LGR5: variants seen among roughly 807,000 people sequenced by gnomAD.
LGR5 encodes the protein leucine rich repeat containing G protein-coupled receptor 5.
LGR5 carries 54 observed loss-of-function variants against 76.7 expected under a neutral mutation model. The observed-to-expected ratio is 0.70, with a 90% CI of 0.57 to 0.88. The LOEUF (loss-of-function observed/expected upper bound fraction) is 0.88, where lower values mean the gene tolerates loss of function less well. Ranked by LOEUF, LGR5 falls within the 40% of genes least tolerant of loss-of-function variation. The pLI is 0.00. For synonymous variants in LGR5, 406 were observed against 421.9 expected (o/e 0.96, Z 0.46); for missense variants, 1,078 against 1,073.3 (o/e 1.00, Z -0.06).
intron 4 of LGR5, among the ~76,000 whole-genome samples, chr12:71,544,278 C>CT (rs902924663): frequency 4.4e-5 from 4 of 91,404 alleles, no homozygotes; most frequent in Non-Finnish European, 9.6e-5. Flanking sequence ...TTTTCTTTGT[C>CT]TTTTTTTTTT....
intron 3 of LGR5, among the ~76,000 whole-genome samples, chr12:71,529,426 A>T (rs1307147612): frequency 6.6e-6 from 1 of 152,208 alleles, no homozygotes; most frequent in Non-Finnish European, 1.5e-5. Context: ...TCATGAGAAC[A>T]GCATGGCAGA....
intron 14 of LGR5, among the ~76,000 whole-genome samples, 162 bp downstream of exon 14, chr12:71,578,158 C>T (rs1483433693): frequency 6.6e-6 from 1 of 152,184 alleles, no homozygotes; most frequent in Non-Finnish European, 1.5e-5. Context: ...GAGTTCTGCT[C>T]CTCCAGGGCC....
At chr12:71,500,365 T>C (rs1318223149) in intron 1 of LGR5, among the ~76,000 whole-genome samples, 1 of 151,930 alleles carries the variant, frequency 6.6e-6, no homozygotes, top group African/African-American at 2.4e-5. Context: ...AACATTCGAG[T>C]CACCTGAAAA....
chr12:71,516,502 C>T (rs1875447969), intron 2 of LGR5, among the ~76,000 whole-genome samples: 1 of 152,160 alleles, frequency 6.6e-6, no homozygotes, highest in African/African-American at 2.4e-5. Flanking sequence ...CAAATGCCCG[C>T]TTCCATCCTC....
At chr12:71,547,671 A>T (rs535431867) in intron 4 of LGR5, among the ~76,000 whole-genome samples, 7 of 152,338 alleles carry the variant, frequency 4.6e-5, no homozygotes, top group Admixed American at 2.6e-4. Flanking sequence ...TTGGAATTAA[A>T]TGACAGTATC....
intron 10 of LGR5, 64 bp downstream of exon 10, chr12:71,566,764 C>T (rs1878367426): frequency 4.5e-6 from 7 of 1,569,206 alleles, no homozygotes; most frequent in Non-Finnish European, 6.1e-6. Context: ...CTTGATCAGT[C>T]TTAACATCAG....
At chr12:71,559,163 G>A (rs936514576) in intron 6 of LGR5, among the ~76,000 whole-genome samples, 1 of 152,180 alleles carries the variant, frequency 6.6e-6, no homozygotes, top group African/African-American at 2.4e-5. Flanking sequence ...AGGGAGTGAA[G>A]GAGGGAACAA....
At chr12:71,501,180 G>A (rs17227134) in intron 1 of LGR5, among the ~76,000 whole-genome samples, 13,844 of 152,196 alleles carry the variant, frequency 0.091, 665 homozygotes, top group Non-Finnish European at 0.11. Flanking sequence ...CTAAGGTTAT[G>A]TGTGTACCAG....
intron 3 of LGR5, among the ~76,000 whole-genome samples, chr12:71,528,102 A>C (rs1876109133): frequency 6.6e-6 from 1 of 152,220 alleles, no homozygotes; most frequent in Admixed American, 6.5e-5. Context: ...TAAGTAACTT[A>C]GTTTATACAT....
intron 2 of LGR5, among the ~76,000 whole-genome samples, chr12:71,507,478 G>A (rs575070062): frequency 2.0e-5 from 3 of 152,266 alleles, no homozygotes; most frequent in African/African-American, 7.2e-5. Context: ...ATGAAGAGCT[G>A]TCTTCCCAGG....
intron 13 of LGR5, among the ~76,000 whole-genome samples, chr12:71,575,962 A>G (rs1164701418): frequency 6.6e-6 from 1 of 152,224 alleles, no homozygotes; most frequent in Non-Finnish European, 1.5e-5. Flanking sequence ...GCTGGAAGCC[A>G]TTATTCTCAG....
chr12:71,565,588 C>A (rs1878304345), intron 8 of LGR5, among the ~76,000 whole-genome samples: 1 of 150,158 alleles, frequency 6.7e-6, no homozygotes. Context: ...ACCACAGGAA[C>A]ATCTTATCAT....
At chr12:71,460,535 A>G (rs1010263820) in intron 1 of LGR5, among the ~76,000 whole-genome samples, 2 of 152,066 alleles carry the variant, frequency 1.3e-5, no homozygotes, top group African/African-American at 4.8e-5. Flanking sequence ...ACTATCTGTT[A>G]TATCTTCTGC....
intron 1 of LGR5, among the ~76,000 whole-genome samples, chr12:71,488,781 C>G (rs1473238789): frequency 6.6e-6 from 1 of 152,088 alleles, no homozygotes; most frequent in East Asian, 1.9e-4. Context: ...ATCCAATAAA[C>G]TTTATTAATT....
rs1592444518 is a variant in LGR5 at position 71,440,396 on chromosome 12, A to G, written c.212+104A>G. 1 of 1,116,414 alleles carries G rather than the reference A, an allele frequency of 9.0e-7. No individual in the cohort carries two copies. The highest frequency in any genetic ancestry group is 1.3e-6 in the Non-Finnish European group (1 of 761,414). The allele number at this position is 1,116,414 out of a possible 1,614,324, so 69.2% of individuals were successfully genotyped here. Reference sequence around the variant, plus strand: ...CTCGGCGCCCGCCTGCTCGTGGGGGAGGGGGGCGAGTTTGTCAAGGGCATC... The same window carrying G: ...CTCGGCGCCCGCCTGCTCGTGGGGGGGGGGGGCGAGTTTGTCAAGGGCATC... On this transcript the variant is annotated intron_variant, in intron 1 of 17. Transcript: ENST00000266674. The surrounding 1 kb of genome is among the most constrained non-coding windows in gnomAD (Gnocchi z 5.3).
At chr12:71,571,689 C>A in intron 12 of LGR5, 110 bp downstream of exon 12, 1 of 728,238 alleles carries the variant, frequency 1.4e-6, no homozygotes, top group East Asian at 2.6e-5. Context: ...ACATGTGATC[C>A]TTTTCCTTCT....
chr12:71,536,848 T>G (rs1227431515), intron 4 of LGR5, among the ~76,000 whole-genome samples: 6 of 152,246 alleles, frequency 3.9e-5, no homozygotes, highest in Non-Finnish European at 7.3e-5. Context: ...AGTCTAGATA[T>G]TCACTGTTCA....
In LGR5 at chr12:71,586,144, T is replaced by C. The variant is rs1879308202; in HGVS notation, c.*1410T>C. On this transcript the variant is annotated 3_prime_UTR_variant, in exon 18 of 18. Transcript: ENST00000266674. Reference sequence around the variant, plus strand: ...GGACCATGATAATGATAATAAACCTTGTACAGTGGCATATTCTTTGATTTA... The same window carrying C: ...GGACCATGATAATGATAATAAACCTCGTACAGTGGCATATTCTTTGATTTA... 6.6e-6 allele frequency: 1 copy of C among 152,172 alleles called. No homozygotes were observed. The highest frequency in any genetic ancestry group is 1.5e-5 in the Non-Finnish European group (1 of 68,022). 9.4% of individuals were successfully genotyped at this position (152,172 alleles called of 1,614,324 possible).
chr12:71,573,089 C>A (rs1878688990), intron 13 of LGR5, 168 bp downstream of exon 13: 2 of 531,156 alleles, frequency 3.8e-6, no homozygotes, highest in Admixed American at 3.6e-5. Flanking sequence ...AGGAATAAAT[C>A]TAAAAGTAGT....
Sources: gnomAD v4.1 joint callset for allele counts (sites outside exome capture counted in the v4.1 genomes callset) on GRCh38, gnomAD v4.1.1 for gene constraint, Gnocchi (gnomAD v3.1) non-coding constraint, MANE v1.5 for transcripts, NCBI Gene and HGNC (gene_info 2026-07-23, HGNC 2026-07-21) for gene names.